FABP3: variants seen among roughly 807,000 people sequenced by gnomAD.
FABP3 encodes fatty acid binding protein 3, also known as fatty acid-binding protein, heart.
In FABP3, 8 loss-of-function variants were observed where a neutral mutation model predicts 13.4. The ratio of observed to expected loss-of-function variants is 0.60; its 90% CI spans 0.35 to 1.07. The LOEUF (loss-of-function observed/expected upper bound fraction) is 1.07, where lower values mean the gene tolerates loss of function less well. Among genes scored for constraint, FABP3 ranks in the 50% least tolerant of loss-of-function variants. The pLI is 0.02. For synonymous variants in FABP3, 64 were observed against 60.0 expected (o/e 1.07, Z -0.31); for missense variants, 135 against 164.7 (o/e 0.82, Z 0.99).
At chr1:31,365,051 G>C (rs1640076893), downstream of FABP3, 1 of 152,262 alleles carries the variant, frequency 6.6e-6, no homozygotes, top group Non-Finnish European at 1.5e-5. Context: ...ACCTTGGAGA[G>C]ATGCCCAGCA....
chr1:31,366,474 G>T (rs1021750562), intron 3 of FABP3, among the ~76,000 whole-genome samples: 3 of 152,100 alleles, frequency 2.0e-5, no homozygotes, highest in Admixed American at 6.5e-5. Context: ...TGAGAATTTG[G>T]TCCTGCATAT....
intron 3 of FABP3, 91 bp from the exon 4 acceptor site, chr1:31,366,030 G>C: frequency 2.8e-6 from 3 of 1,086,576 alleles, no homozygotes; most frequent in Non-Finnish European, 4.2e-6. Flanking sequence ...ATTGTCACTT[G>C]AGTACCTACT....
At chr1:31,360,012 A>G in the FABP3 span, among the ~76,000 whole-genome samples, 1 of 147,516 alleles carries the variant, frequency 6.8e-6, no homozygotes, top group Non-Finnish European at 1.5e-5. Flanking sequence ...CGGAGTTTCC[A>G]TCTTGTTGCC....
chr1:31,362,845 A>G (rs947218959), downstream of FABP3, among the ~76,000 whole-genome samples: 1 of 152,184 alleles, frequency 6.6e-6, no homozygotes, highest in Non-Finnish European at 1.5e-5. Flanking sequence ...AAGTAATAAG[A>G]TACTTGTTTA....
the FABP3 span, among the ~76,000 whole-genome samples, chr1:31,359,719 G>A: frequency 6.6e-6 from 1 of 152,202 alleles, no homozygotes; most frequent in East Asian, 1.9e-4. Flanking sequence ...CTAGAGAGCA[G>A]TCTTTGAGAT....
At chr1:31,360,232 C>T in the FABP3 span, among the ~76,000 whole-genome samples, 1 of 149,986 alleles carries the variant, frequency 6.7e-6, no homozygotes, top group African/African-American at 2.5e-5. Flanking sequence ...TGCAGTGGCG[C>T]GATCTTGGCT....
chr1:31,372,829 C>G, intron 1 of FABP3, 113 bp downstream of exon 1: 1 of 1,055,626 alleles, frequency 9.5e-7, no homozygotes, highest in Admixed American at 1.8e-5. Context: ...CATCTCCGCG[C>G]TCCCCTATTC....
chr1:31,373,046 A>C lies in FABP3; in HGVS notation c.-32T>G. 6.2e-7 allele frequency: 1 copy of C among 1,610,578 alleles called. No individual in the cohort carries two copies. The highest frequency in any genetic ancestry group is 8.5e-7 in the Non-Finnish European group (1 of 1,177,208). On this transcript the variant is annotated 5_prime_UTR_variant, in exon 1 of 4. Transcript: ENST00000373713. ...GCTGGGCTAGGCTGAGAGAAGCTACAAGAGAGCAGGCGTGCAAGGGCTCCG... is the reference window on the plus strand; with the variant it reads ...GCTGGGCTAGGCTGAGAGAAGCTACCAGAGAGCAGGCGTGCAAGGGCTCCG...
chr1:31,364,205 G>C, downstream of FABP3: 14 of 1,607,236 alleles, frequency 8.7e-6, no homozygotes, highest in Non-Finnish European at 1.2e-5. Flanking sequence ...AGTATAAAGA[G>C]TGTAGGGGGT....
At position 31,369,373 on chromosome 1, in the gene FABP3, T is replaced by A; in HGVS notation, c.246+12A>T. On this transcript the variant is annotated intron_variant, in intron 2 of 3. Coordinates refer to ENST00000373713, the MANE Select transcript of FABP3 (RefSeq NM_004102.5). ...GCACTCTCCATTCCCCACCCCTGTT[T>A]CCCTGACTTACCTTGACCTTCCTGT... is the stretch of plus-strand genomic sequence containing the variant. The A allele has an allele frequency of 6.2e-7, 1 of 1,613,530 alleles. No individual in the cohort carries two copies. The highest frequency in any genetic ancestry group is 8.5e-7 in the Non-Finnish European group (1 of 1,179,574).
In FABP3 at chr1:31,365,790, A is replaced by C; in HGVS notation, c.*96T>G. 1 of 1,159,178 alleles carries C rather than the reference A, an allele frequency of 8.6e-7. No individual in the cohort carries two copies. Among genetic ancestry groups the C allele is most frequent in the Non-Finnish European group, 1.3e-6 (1 of 777,666 alleles). The allele number at this position is 1,159,178 out of a possible 1,614,324, so 71.8% of individuals were successfully genotyped here. On this transcript the variant is annotated 3_prime_UTR_variant, in exon 4 of 4. Coordinates refer to ENST00000373713, the MANE Select transcript of FABP3 (RefSeq NM_004102.5). Reference sequence around the variant, plus strand: ...CACCTGACCCCAGAAGAATTCGTGGATTTGTACAAAATGCAGAGGAAGAAA... The same window carrying C: ...CACCTGACCCCAGAAGAATTCGTGGCTTTGTACAAAATGCAGAGGAAGAAA...
Position 31,365,749 on chromosome 1 carries a change from G to T in FABP3, c.*137C>A. 1 of 754,860 alleles carries T rather than the reference G, an allele frequency of 1.3e-6. No individual in the cohort carries two copies. Among genetic ancestry groups the T allele is most frequent in the Non-Finnish European group, 2.3e-6 (1 of 437,988 alleles). 46.8% of individuals were successfully genotyped at this position (754,860 alleles called of 1,614,324 possible). ...CACATACACCATGGGAACTGGAACT[G>T]GATCCCGGTCAGTGGCACCTGACCC... On this transcript the variant is annotated 3_prime_UTR_variant, in exon 4 of 4. Transcript: ENST00000373713.
At chr1:31,361,401 A>G (rs1260758387), downstream of FABP3, among the ~76,000 whole-genome samples, 3 of 152,228 alleles carry the variant, frequency 2.0e-5, no homozygotes, top group Non-Finnish European at 2.9e-5. Flanking sequence ...GTTAGTGCTT[A>G]TCTTGTTTAA....
At chr1:31,364,109 G>A (rs1640038048), downstream of FABP3, 2 of 1,613,890 alleles carry the variant, frequency 1.2e-6, no homozygotes, top group Non-Finnish European at 1.7e-6. Flanking sequence ...ATACAGGCAA[G>A]AGGGCAAGGC....
downstream of FABP3, among the ~76,000 whole-genome samples, chr1:31,363,822 T>C (rs1201306892): frequency 2.0e-5 from 3 of 152,150 alleles, no homozygotes; most frequent in Admixed American, 6.5e-5. Context: ...TTGTGTGCTA[T>C]AATTTTTCTT....
At chr1:31,363,609 T>C (rs1028253177), downstream of FABP3, among the ~76,000 whole-genome samples, 2 of 152,050 alleles carry the variant, frequency 1.3e-5, no homozygotes, top group African/African-American at 4.8e-5. Flanking sequence ...CTGGGCAACA[T>C]GGAGAAACCC....
chr1:31,364,528 A>G, downstream of FABP3: 4 of 298,152 alleles, frequency 1.3e-5, no homozygotes, highest in South Asian at 2.7e-4. Flanking sequence ...AAAGGAGTCC[A>G]GGCTAGAGCC....
At chr1:31,365,043 C>T (rs1469075620), downstream of FABP3, 1 of 152,212 alleles carries the variant, frequency 6.6e-6, no homozygotes, top group Non-Finnish European at 1.5e-5. Flanking sequence ...TACCTTAGAC[C>T]TTGGAGAGAT....
intron 2 of FABP3, among the ~76,000 whole-genome samples, chr1:31,368,532 C>T (rs1640150190): frequency 6.6e-6 from 1 of 152,212 alleles, no homozygotes; most frequent in Non-Finnish European, 1.5e-5. Context: ...TGCCAGCCAC[C>T]TGTGTGATCC....
Sources: gnomAD v4.1 joint callset for allele counts (sites outside exome capture counted in the v4.1 genomes callset) on GRCh38, gnomAD v4.1.1 for gene constraint, MANE v1.5 for transcripts, NCBI Gene and HGNC (gene_info 2026-07-23, HGNC 2026-07-21) for gene names.